Variants in TRDN observed in about 807,000 individuals in gnomAD.
TRDN encodes the protein triadin, also known as triadin in skeletal muscle.
Under a neutral mutation model 149.7 loss-of-function variants are expected in TRDN, and 161 were observed. That is an observed-to-expected ratio of 1.08 (90% CI 0.95 to 1.23). TRDN has a LOEUF of 1.23. TRDN is among the 50% of genes most tolerant of loss of function. The pLI is 0.00. For synonymous variants in TRDN, 294 were observed against 250.5 expected, an observed-to-expected ratio of 1.17 and a Z score of -1.64; for missense variants, 896 against 823.5, an observed-to-expected ratio of 1.09 and a Z score of -1.08.
intron 1 of TRDN, among the ~76,000 whole-genome samples, chr6:123,602,104 G>A (rs1050204297): frequency 1.8e-4 from 27 of 152,024 alleles, no homozygotes; most frequent in African/African-American, 6.0e-4. Flanking sequence ...CTCTCATGAC[G>A]TTTACATTCT....
intron 26 of TRDN, among the ~76,000 whole-genome samples, chr6:123,275,887 A>T (rs556115917): frequency 1.3e-5 from 2 of 152,282 alleles, no homozygotes; most frequent in Admixed American, 1.3e-4. Context: ...GGTAATTTAC[A>T]TAGAACAGAA....
intron 40 of TRDN, among the ~76,000 whole-genome samples, chr6:123,219,149 G>A (rs1775052313): frequency 6.6e-6 from 1 of 151,936 alleles, no homozygotes; most frequent in Non-Finnish European, 1.5e-5. Context: ...CAGACTGTGT[G>A]TGTGTGTTTT....
intron 1 of TRDN, among the ~76,000 whole-genome samples, chr6:123,573,774 A>T (rs529693776): frequency 2.0e-5 from 3 of 152,164 alleles, no homozygotes; most frequent in African/African-American, 4.8e-5. Context: ...TGGTACAAAC[A>T]TTATCACTAT....
At position 123,503,890 on chromosome 6, in the gene TRDN, C is replaced by A. The variant is rs1446264994; in HGVS notation, c.622G>T (p.Ala208Ser). 4 of 1,563,492 alleles carry A rather than the reference C, an allele frequency of 2.6e-6. No homozygotes were observed. In the Admixed American group the frequency reaches 7.8e-5, roughly 30 times the overall value. The part of the protein sequence containing the change: ...TKTLAKEQKK[A>S]KTAEKSEEKT... Reference sequence around the variant, plus strand: ...TCTTCACTCTTTTCTGCAGTCTTAGCTTTCTTCTGTTCTGTATAAAGTTAA... The same window carrying A: ...TCTTCACTCTTTTCTGCAGTCTTAGATTTCTTCTGTTCTGTATAAAGTTAA... The change falls in exon 8 of 41, where the codon GCT becomes TCT. Residue 208 changes from alanine (A) to serine (S), a missense_variant. Physicochemically the swap from Ala to Ser is moderately conservative, Grantham distance 99. Transcript: ENST00000334268.
intron 9 of TRDN, among the ~76,000 whole-genome samples, chr6:123,494,598 C>T (rs1467223131): frequency 6.6e-6 from 1 of 152,116 alleles, no homozygotes; most frequent in East Asian, 1.9e-4. Flanking sequence ...TTAATTCATG[C>T]TCATCAACAA....
intron 12 of TRDN, among the ~76,000 whole-genome samples, chr6:123,418,307 C>CTG (rs370714214): frequency 0.03 from 4,587 of 151,730 alleles, 107 homozygotes; most frequent in Middle Eastern, 0.085. Context: ...TTGTTTCATG[C>CTG]TGTGTGTGTG....
intron 21 of TRDN, among the ~76,000 whole-genome samples, chr6:123,340,925 T>A (rs1780042541): frequency 6.6e-6 from 1 of 152,042 alleles, no homozygotes; most frequent in African/African-American, 2.4e-5. Flanking sequence ...CTAAAGTTAT[T>A]TAATAGTGAT....
At chr6:123,521,671 C>A (rs951934883) in intron 5 of TRDN, among the ~76,000 whole-genome samples, 1 of 152,032 alleles carries the variant, frequency 6.6e-6, no homozygotes, top group African/African-American at 2.4e-5. Context: ...AGCCCTTGAA[C>A]CAAGTTCCCA....
intron 12 of TRDN, among the ~76,000 whole-genome samples, chr6:123,414,837 T>C (rs900130873): frequency 1.3e-5 from 2 of 152,150 alleles, no homozygotes; most frequent in African/African-American, 2.4e-5. Flanking sequence ...TTCATTCTCC[T>C]AGGTAAAAAT....
chr6:123,379,705 T>G (rs1028106428), intron 16 of TRDN, among the ~76,000 whole-genome samples: 1 of 152,216 alleles, frequency 6.6e-6, no homozygotes, highest in African/African-American at 2.4e-5. Context: ...GGTGTAATTA[T>G]TGAATTACCT....
At chr6:123,497,041 A>G (rs1448678276) in intron 9 of TRDN, among the ~76,000 whole-genome samples, 152 bp downstream of exon 9, 1 of 152,048 alleles carries the variant, frequency 6.6e-6, no homozygotes, top group Non-Finnish European at 1.5e-5. Flanking sequence ...CCTTAATGCC[A>G]GTTATTACCG....
chr6:123,607,287 A>G (rs1784570939), intron 1 of TRDN, among the ~76,000 whole-genome samples: 1 of 152,234 alleles, frequency 6.6e-6, no homozygotes, highest in Non-Finnish European at 1.5e-5. Context: ...GACTAAACTC[A>G]ATGGGACTTA....
intron 10 of TRDN, among the ~76,000 whole-genome samples, chr6:123,463,950 C>T (rs1318458421): frequency 6.6e-6 from 1 of 152,120 alleles, no homozygotes; most frequent in Non-Finnish European, 1.5e-5. Flanking sequence ...CTTGAACAAG[C>T]AGGCTGGAGT....
chr6:123,375,579 T>G (rs1288681944), intron 19 of TRDN, 26 bp downstream of exon 19: 4 of 1,525,624 alleles, frequency 2.6e-6, no homozygotes, highest in African/African-American at 1.4e-5. Context: ...AAATATGCTC[T>G]TCTTTAAAAA....
rs1193049868 is a variant in TRDN, at chr6:123,267,763, A to T, written c.1739-12T>A. 1.9e-6 allele frequency: 3 copies of T among 1,564,244 alleles called. No homozygotes were observed. Among genetic ancestry groups the T allele is most frequent in the Non-Finnish European group, 2.6e-6 (3 of 1,154,814 alleles). On this transcript the variant is annotated splice_polypyrimidine_tract_variant and intron_variant, in intron 31 of 40. Coordinates refer to ENST00000334268, the MANE Select transcript of TRDN (RefSeq NM_006073.4). ...ATGTTCAGCTTTTTCTAGAGAAAGA[A>T]ATCAAAATTCACTGGCAATCTGTGG...
chr6:123,505,499 T>C (rs751310582), intron 7 of TRDN, among the ~76,000 whole-genome samples: 1 of 152,092 alleles, frequency 6.6e-6, no homozygotes, highest in Non-Finnish European at 1.5e-5. Flanking sequence ...TACAGGAAGA[T>C]GTTGATACTG....
At chr6:123,614,983 C>T (rs1331081397) in intron 1 of TRDN, among the ~76,000 whole-genome samples, 1 of 152,000 alleles carries the variant, frequency 6.6e-6, no homozygotes, top group African/African-American at 2.4e-5. Flanking sequence ...TGATTAAAAA[C>T]CTGGCAAATG....
intron 8 of TRDN, chr6:123,501,789 C>T: frequency 1.2e-6 from 1 of 834,898 alleles, no homozygotes; most frequent in Non-Finnish European, 1.4e-6. Context: ...AGATAAATAA[C>T]TCTTTGTGTA....
intron 12 of TRDN, among the ~76,000 whole-genome samples, chr6:123,405,056 A>G (rs368637533): frequency 6.6e-5 from 10 of 152,346 alleles, no homozygotes; most frequent in African/African-American, 2.4e-4. Flanking sequence ...TCTGGAGCCC[A>G]CATCTTCACG....
Sources: allele counts gnomAD v4.1 joint callset (sites outside exome capture counted in the v4.1 genomes callset), GRCh38; gene constraint gnomAD v4.1.1; transcripts MANE v1.5; gene names NCBI Gene and HGNC (gene_info 2026-07-23, HGNC 2026-07-21).